ERI1: variants seen among roughly 807,000 people sequenced by gnomAD.
ERI1 encodes the protein 3'-5' exoribonuclease 1.
ERI1 carries 39 observed loss-of-function variants against 39.7 expected under a neutral mutation model. The observed-to-expected ratio is 0.98, with a 90% CI of 0.76 to 1.28. The LOEUF (loss-of-function observed/expected upper bound fraction) is 1.28, where lower values mean the gene tolerates loss of function less well. Among genes scored for constraint, ERI1 ranks in the 50% most tolerant of loss-of-function variants. The pLI is 0.00. For synonymous variants in ERI1, 204 were observed against 149.6 expected (o/e 1.36, Z -2.65); for missense variants, 581 against 416.9 (o/e 1.39, Z -3.43).
At chr8:9,064,720 C>T (rs571558469) in intron 3 of ERI1, among the ~76,000 whole-genome samples, 216 of 152,126 alleles carry the variant, frequency 1.4e-3, no homozygotes, top group African/African-American at 4.0e-3. Context: ...ATCTTTTTCA[C>T]GGACCAAAGA....
chr8:9,012,125 T>A (rs746363918), intron 3 of ERI1, among the ~76,000 whole-genome samples: 13 of 152,230 alleles, frequency 8.5e-5, no homozygotes, highest in Non-Finnish European at 1.3e-4. Flanking sequence ...CAGCATTTTT[T>A]TGAAGCTTTT....
At chr8:9,025,202 T>C (rs1260381120) in intron 6 of ERI1, among the ~76,000 whole-genome samples, 1 of 152,162 alleles carries the variant, frequency 6.6e-6, no homozygotes, top group African/African-American at 2.4e-5. Flanking sequence ...TATTTAATTA[T>C]CTCCTACAGT....
chr8:9,043,956 C>T lies in ERI1; in HGVS notation n.299+23492C>T, dbSNP rs183758281. 4.6e-3 allele frequency among the ~76,000 whole-genome samples: 694 copies of T among 152,250 alleles called. 3 individuals are homozygous for T. Among genetic ancestry groups the T allele is most frequent in the Non-Finnish European group, 7.4e-3 (503 of 68,032 alleles). On this transcript the variant is annotated intron_variant and non_coding_transcript_variant, in intron 3 of 3. Transcript: ENST00000518663. Reference sequence around the variant, plus strand: ...TAAAGTAAGTTTCAAAAGAGGCCTACGGTGTAGCATGGTGTTTAAGGCTAT... The same window carrying T: ...TAAAGTAAGTTTCAAAAGAGGCCTATGGTGTAGCATGGTGTTTAAGGCTAT...
In ERI1 at chr8:9,029,989, A is replaced by G; in HGVS notation, c.1005A>G (p.Pro335=). 6.2e-7 allele frequency: 1 copy of G among 1,613,558 alleles called. No homozygotes were observed. Among genetic ancestry groups the G allele is most frequent in the Non-Finnish European group, 8.5e-7 (1 of 1,179,870 alleles). The change falls in exon 7 of 7, where the codon CCA becomes CCG. Residue 335 remains proline, a synonymous_variant. Transcript: ENST00000250263. ...TAATGAGTGTGTCCTCTTCCTTACC[A>G]ATAGAGGGCACTCCACCACCACAAA... ...GQLMSVSSSL[P]IEGTPPPQMP...
At chr8:9,057,439 A>G (rs199835760) in intron 3 of ERI1, among the ~76,000 whole-genome samples, 13 of 152,206 alleles carry the variant, frequency 8.5e-5, no homozygotes, top group Non-Finnish European at 1.3e-4. Flanking sequence ...CGCCACCTAG[A>G]TGACCCAGCA....
intron 3 of ERI1, among the ~76,000 whole-genome samples, chr8:9,057,308 C>T (rs1449454996): frequency 6.6e-6 from 1 of 152,180 alleles, no homozygotes; most frequent in East Asian, 1.9e-4. Flanking sequence ...CTGTCCCTGG[C>T]TCCTGTGTAC....
intron 6 of ERI1, among the ~76,000 whole-genome samples, chr8:9,028,589 C>G (rs1797355296): frequency 6.6e-6 from 1 of 152,014 alleles, no homozygotes; most frequent in African/African-American, 2.4e-5. Flanking sequence ...TAAAACTTAA[C>G]AAATCTTGAT....
chr8:9,098,156 G>A (rs149692530), intron 3 of ERI1, among the ~76,000 whole-genome samples: 1 of 152,170 alleles, frequency 6.6e-6, no homozygotes, highest in East Asian at 1.9e-4. Context: ...GGCTGGGGTG[G>A]GCTGATCACT....
intron 6 of ERI1, among the ~76,000 whole-genome samples, chr8:9,026,326 A>G (rs1274697025): frequency 6.6e-6 from 1 of 152,134 alleles, no homozygotes; most frequent in Non-Finnish European, 1.5e-5. Context: ...TTATTGCACA[A>G]CCATCACCAC....
intron 2 of ERI1, chr8:9,009,003 C>G (rs1032561637): frequency 2.2e-6 from 1 of 455,998 alleles, no homozygotes; most frequent in African/African-American, 2.0e-5. Flanking sequence ...TTTTTGACTC[C>G]TATTTCCCCG....
intron 1 of ERI1, chr8:9,004,095 C>G: frequency 7.8e-7 from 1 of 1,289,246 alleles, no homozygotes; most frequent in Non-Finnish European, 1.0e-6. Flanking sequence ...GCCTTGTGTT[C>G]TTTGACATTG....
chr8:9,051,575 T>C (rs11775597), intron 3 of ERI1, among the ~76,000 whole-genome samples: 101,884 of 151,474 alleles, frequency 0.67, 36,156 homozygotes, highest in Non-Finnish European at 0.77. Context: ...AAGGATCACT[T>C]GAACCCAGGA....
At chr8:9,078,201 G>T (rs1799265879) in intron 3 of ERI1, among the ~76,000 whole-genome samples, 1 of 152,102 alleles carries the variant, frequency 6.6e-6, no homozygotes, top group Non-Finnish European at 1.5e-5. Context: ...TGTTGGTCAG[G>T]CTGGTCCTGA....
At chr8:9,077,665 T>C (rs957125230) in intron 3 of ERI1, among the ~76,000 whole-genome samples, 12 of 152,208 alleles carry the variant, frequency 7.9e-5, no homozygotes, top group Non-Finnish European at 1.3e-4. Context: ...ATTGGTAGCC[T>C]ATGGTAAAAG....
intron 3 of ERI1, among the ~76,000 whole-genome samples, chr8:9,081,565 C>G (rs187077406): frequency 3.3e-4 from 50 of 152,312 alleles, no homozygotes; most frequent in African/African-American, 1.2e-3. Context: ...CCCTCTTCCC[C>G]TCTGCTACCC....
At chr8:9,033,410 A>G (rs1797724371), downstream of ERI1, 1 of 145,662 alleles carries the variant, frequency 6.9e-6, no homozygotes, top group South Asian at 2.3e-4. Flanking sequence ...GAATAGCTGC[A>G]TCAGTGGCAC....
intron 3 of ERI1, among the ~76,000 whole-genome samples, chr8:9,043,344 T>G (rs1349076261): frequency 6.6e-6 from 1 of 152,224 alleles, no homozygotes; most frequent in East Asian, 1.9e-4. Context: ...GTGACGCTTT[T>G]GTGACTCAAT....
chr8:9,041,675 T>C (rs1440014051), intron 3 of ERI1, among the ~76,000 whole-genome samples: 3 of 152,222 alleles, frequency 2.0e-5, no homozygotes, highest in Admixed American at 1.3e-4. Flanking sequence ...CTATGAGACC[T>C]AGCAAAAACA....
chr8:9,035,976 C>G (rs1397661369), downstream of ERI1, among the ~76,000 whole-genome samples: 14 of 152,136 alleles, frequency 9.2e-5, no homozygotes. Context: ...GAAGTCACTG[C>G]TGATGTGGTG....
Sources: allele counts gnomAD v4.1 joint callset (sites outside exome capture counted in the v4.1 genomes callset), GRCh38; gene constraint gnomAD v4.1.1; transcripts MANE v1.5; gene names NCBI Gene and HGNC (gene_info 2026-07-23, HGNC 2026-07-21).